Variants in TRIM37 observed in about 807,000 individuals in gnomAD.
TRIM37 encodes the protein tripartite motif containing 37, also known as E3 ubiquitin-protein ligase TRIM37.
Under a neutral mutation model 129.8 loss-of-function variants are expected in TRIM37, and 80 were observed. The observed-to-expected ratio is 0.62, with a 90% CI of 0.51 to 0.74. The LOEUF (loss-of-function observed/expected upper bound fraction) is 0.74. Ranked by LOEUF, TRIM37 falls within the 30% of genes least tolerant of loss-of-function variation. The probability of loss-of-function intolerance (pLI) is 0.00; values close to 1 mark genes in which losing one functional copy is unlikely to be tolerated. For missense variants in TRIM37, 1,054 were observed against 1,176.5 expected (o/e 0.90, Z 1.52); for synonymous variants, 389 against 387.1 (o/e 1.00, Z -0.06).
intron 9 of TRIM37, among the ~76,000 whole-genome samples, chr17:59,067,974 T>C (rs1175712334): frequency 6.6e-6 from 1 of 152,222 alleles, no homozygotes; most frequent in Non-Finnish European, 1.5e-5. Flanking sequence ...TACTAACTGA[T>C]AGAACTAAAG....
chr17:59,088,626 C>T (rs1488839582), intron 3 of TRIM37, among the ~76,000 whole-genome samples: 1 of 151,880 alleles, frequency 6.6e-6, no homozygotes, highest in Non-Finnish European at 1.5e-5. Flanking sequence ...AAGCGATCCT[C>T]CTGCCTCAGC....
chr17:59,064,144 G>C (rs1599289537), intron 10 of TRIM37: 1 of 512,376 alleles, frequency 2.0e-6, no homozygotes, highest in African/African-American at 2.0e-5. Context: ...AAAAGAAAAG[G>C]TTCCTTTTCC....
intron 18 of TRIM37, among the ~76,000 whole-genome samples, chr17:59,029,808 A>C (rs1227976776): frequency 1.3e-5 from 2 of 152,162 alleles, no homozygotes; most frequent in Non-Finnish European, 2.9e-5. Context: ...ACAATCAATC[A>C]AACAAAAAAT....
At chr17:59,037,089 T>C (rs1305760548) in intron 17 of TRIM37, among the ~76,000 whole-genome samples, 1 of 150,340 alleles carries the variant, frequency 6.7e-6, no homozygotes, top group Non-Finnish European at 1.5e-5. Context: ...CACTCCAGCC[T>C]GGGCAATACA....
chr17:59,091,376 CA>C lies in TRIM37; in HGVS notation c.124-37del, dbSNP rs748389938. 3.1e-5 allele frequency: 40 copies of C among 1,297,254 alleles called. 1 individual carries two copies. In the South Asian group the frequency reaches 3.6e-4, roughly 12 times the overall value. 80.4% of individuals were successfully genotyped at this position (1,297,254 alleles called of 1,614,324 possible). ...AAAAGATTAGATATCGATTAGAAAA[CA>C]TCATTACTATATATATATATTACTT... is the stretch of plus-strand genomic sequence containing the variant. On this transcript the variant is annotated intron_variant, in intron 2 of 23. Coordinates refer to ENST00000262294, the MANE Select transcript of TRIM37 (RefSeq NM_015294.6).
intron 2 of TRIM37, among the ~76,000 whole-genome samples, chr17:59,104,014 T>C (rs988687432): frequency 1.3e-5 from 2 of 152,180 alleles, no homozygotes; most frequent in Non-Finnish European, 2.9e-5. Context: ...CAAACACATA[T>C]AAACCAGTCC....
intron 24 of TRIM37, among the ~76,000 whole-genome samples, chr17:58,987,724 G>C (rs1443701012): frequency 1.3e-5 from 2 of 152,024 alleles, no homozygotes; most frequent in East Asian, 3.9e-4. Context: ...ATAGCTCTTG[G>C]GGTTTTCTAT....
intron 15 of TRIM37, among the ~76,000 whole-genome samples, chr17:59,048,146 T>C (rs2039999172): frequency 6.6e-6 from 1 of 152,166 alleles, no homozygotes. Context: ...ATCAAGGTCA[T>C]TAATTAACAC....
the TRIM37 span, among the ~76,000 whole-genome samples, chr17:58,973,249 C>G: frequency 6.6e-6 from 1 of 151,728 alleles, no homozygotes; most frequent in African/African-American, 2.4e-5. Context: ...AACCCCATCT[C>G]TATTAAAAAT....
intron 7 of TRIM37, among the ~76,000 whole-genome samples, chr17:59,079,404 G>T (rs1019641457): frequency 6.6e-6 from 1 of 152,190 alleles, no homozygotes; most frequent in Non-Finnish European, 1.5e-5. Context: ...GTTTACAAAT[G>T]TCAGTTTCTT....
chr17:59,025,632 C>T (rs1013933123), intron 19 of TRIM37, among the ~76,000 whole-genome samples: 8 of 152,084 alleles, frequency 5.3e-5, no homozygotes, highest in South Asian at 2.1e-4. Context: ...CCCACCTATA[C>T]GAAAGTTGGC....
At chr17:58,969,592 T>C in the TRIM37 span, 8 of 1,614,168 alleles carry the variant, frequency 5.0e-6, no homozygotes, top group Non-Finnish European at 6.8e-6. Context: ...GGGGAGTAGA[T>C]GCTGCTATTT....
intron 17 of TRIM37, among the ~76,000 whole-genome samples, chr17:59,037,685 A>G (rs148617044): frequency 7.0e-4 from 106 of 152,034 alleles, no homozygotes; most frequent in African/African-American, 2.4e-3. Flanking sequence ...AATTTCCCCA[A>G]TGTTAATACC....
intron 2 of TRIM37, among the ~76,000 whole-genome samples, chr17:59,092,108 C>A (rs2044446976): frequency 6.6e-6 from 1 of 151,902 alleles, no homozygotes. Flanking sequence ...AACAGTTTCA[C>A]AGGGCTGGGC....
chr17:58,998,330 G>A lies in TRIM37; in HGVS notation c.*1047C>T, dbSNP rs1299481952. 1.2e-5 allele frequency: 12 copies of A among 985,174 alleles called. No homozygotes were observed. Among genetic ancestry groups the A allele is most frequent in the African/African-American group, 1.0e-4 (6 of 57,226 alleles). The allele number at this position is 985,174 out of a possible 1,614,324, so 61.0% of individuals were successfully genotyped here. A position where few individuals can be genotyped will look rare whatever the true frequency, so the allele number is the denominator to read the frequency against. ...AATATTCACTAAGTAAAATACAGCA[G>A]ATGAGATGTCTCTCACATGTATATT... On this transcript the variant is annotated 3_prime_UTR_variant, in exon 24 of 24. Transcript: ENST00000262294.
At chr17:59,038,417 A>C (rs1161774046) in intron 17 of TRIM37, among the ~76,000 whole-genome samples, 1 of 152,196 alleles carries the variant, frequency 6.6e-6, no homozygotes, top group Non-Finnish European at 1.5e-5. Flanking sequence ...AAAGCATATA[A>C]TAAAAATAAA....
rs756221648 is a variant in TRIM37 at position 59,081,076 on chromosome 17, A to G, written c.492+21T>C. ...ATTACAGATTAAAAACAAAATAATT[A>G]TATTTTAGTAGTAGTCTTACCACTT... is the stretch of plus-strand genomic sequence containing the variant. On this transcript the variant is annotated intron_variant, in intron 6 of 23. Transcript: ENST00000262294. The G allele has an allele frequency of 4.6e-6, 7 of 1,522,054 alleles. No homozygotes were observed. In the African/African-American group the frequency reaches 8.3e-5, roughly 18 times the overall value. The allele number at this position is 1,522,054 out of a possible 1,614,324, so 94.3% of individuals were successfully genotyped here. A position where few individuals can be genotyped will look rare whatever the true frequency, so the allele number is the denominator to read the frequency against.
At chr17:59,011,062 C>T (rs548126207) in intron 22 of TRIM37, among the ~76,000 whole-genome samples, 1 of 151,540 alleles carries the variant, frequency 6.6e-6, no homozygotes, top group Non-Finnish European at 1.5e-5. Flanking sequence ...CCCAGCTATG[C>T]AGAGGCTGAG....
intron 17 of TRIM37, among the ~76,000 whole-genome samples, chr17:59,032,600 T>G (rs1599021378): frequency 6.7e-6 from 1 of 149,154 alleles, no homozygotes; most frequent in African/African-American, 2.5e-5. Flanking sequence ...GATTGAGTGG[T>G]GGCCTCATTA....
Sources: gnomAD v4.1 joint callset for allele counts (sites outside exome capture counted in the v4.1 genomes callset) on GRCh38, gnomAD v4.1.1 for gene constraint, MANE v1.5 for transcripts, NCBI Gene and HGNC (gene_info 2026-07-23, HGNC 2026-07-21) for gene names.